The following NRXN1 variants were observed in gnomAD, a reference collection of about 807,000 sequenced individuals.
The protein encoded by NRXN1 is neurexin-1.
NRXN1 carries 39 observed loss-of-function variants against 150.9 expected under a neutral mutation model. The observed-to-expected ratio is 0.26, with a 90% CI of 0.20 to 0.34. The LOEUF (loss-of-function observed/expected upper bound fraction) is 0.34, where lower values mean the gene tolerates loss of function less well. Among genes scored for constraint, NRXN1 ranks in the 10% least tolerant of loss-of-function variants. The probability of loss-of-function intolerance (pLI) is 1.00; values close to 1 mark genes in which losing one functional copy is unlikely to be tolerated. For synonymous variants in NRXN1, 924 were observed against 757.0 expected (o/e 1.22, Z -3.62); for missense variants, 1,815 against 1,949.9 (o/e 0.93, Z 1.30).
At chr2:50,779,170 C>G (rs1361113942) in intron 5 of NRXN1, among the ~76,000 whole-genome samples, 1 of 152,126 alleles carries the variant, frequency 6.6e-6, no homozygotes, top group Non-Finnish European at 1.5e-5. Context: ...GGTATCCCTC[C>G]CCTAGCACCC....
At chr2:50,401,471 G>A (rs2082387179) in intron 17 of NRXN1, among the ~76,000 whole-genome samples, 1 of 152,034 alleles carries the variant, frequency 6.6e-6, no homozygotes, top group Non-Finnish European at 1.5e-5. Context: ...GAGCGGGGAG[G>A]GAGAGGGCTT....
intron 21 of NRXN1, among the ~76,000 whole-genome samples, chr2:49,968,558 T>G (rs971616567): frequency 6.6e-6 from 1 of 152,004 alleles, no homozygotes; most frequent in African/African-American, 2.4e-5. Context: ...CGTAATGCCA[T>G]TTTAGAAGCA....
At chr2:50,238,660 T>G (rs1247036858) in intron 17 of NRXN1, among the ~76,000 whole-genome samples, 1 of 152,028 alleles carries the variant, frequency 6.6e-6, no homozygotes, top group Non-Finnish European at 1.5e-5. Context: ...ATCACATTTG[T>G]GTACATTTAA....
chr2:50,209,784 T>A (rs1340736056), intron 18 of NRXN1, among the ~76,000 whole-genome samples: 1 of 152,038 alleles, frequency 6.6e-6, no homozygotes, highest in Admixed American at 6.6e-5. Flanking sequence ...GTTTTCAAAT[T>A]ATTTACACTT....
chr2:50,694,004 G>A (rs1559133355), intron 5 of NRXN1, among the ~76,000 whole-genome samples: 1 of 152,064 alleles, frequency 6.6e-6, no homozygotes, highest in Non-Finnish European at 1.5e-5. Context: ...TGCTGTCCAG[G>A]ATGGTCTCAA....
intron 5 of NRXN1, among the ~76,000 whole-genome samples, chr2:50,757,306 G>T (rs532240747): frequency 6.6e-6 from 1 of 151,718 alleles, no homozygotes; most frequent in East Asian, 2.0e-4. Flanking sequence ...GCATGTGCAA[G>T]AGAAAAAAAG....
intron 18 of NRXN1, among the ~76,000 whole-genome samples, chr2:50,206,434 T>G (rs1221150652): frequency 6.6e-6 from 1 of 152,096 alleles, no homozygotes. Context: ...GACATTTTTT[T>G]CTTTCTAGTC....
chr2:50,645,860 C>A (rs1684745860), intron 5 of NRXN1, among the ~76,000 whole-genome samples: 1 of 151,782 alleles, frequency 6.6e-6, no homozygotes, highest in South Asian at 2.1e-4. Flanking sequence ...TACATGATTC[C>A]CAGTCTAAGG....
intron 5 of NRXN1, among the ~76,000 whole-genome samples, chr2:50,768,748 C>T (rs1405522251): frequency 6.6e-6 from 1 of 151,914 alleles, no homozygotes; most frequent in Admixed American, 6.6e-5. Context: ...CACCGAAAAT[C>T]ACCACGAAGT....
chr2:50,792,693 G>A (rs2105615572), intron 5 of NRXN1, among the ~76,000 whole-genome samples: 1 of 151,916 alleles, frequency 6.6e-6, no homozygotes, highest in African/African-American at 2.4e-5. Context: ...TTTATCACAA[G>A]AGAAGGGTAA....
intron 18 of NRXN1, among the ~76,000 whole-genome samples, chr2:50,091,920 A>C (rs1699634745): frequency 6.6e-6 from 1 of 152,222 alleles, no homozygotes; most frequent in Non-Finnish European, 1.5e-5. Context: ...CCATTGACAA[A>C]TACTCACAAT....
At position 50,657,316 on chromosome 2, in the gene NRXN1, T is replaced by C. The variant is rs905798804; in HGVS notation, c.833-33701A>G. 5.9e-5 allele frequency among the ~76,000 whole-genome samples: 9 copies of C among 152,162 alleles called. No individual in the cohort carries two copies. The South Asian group carries it at 1.7e-3, about 28-fold the overall frequency. On this transcript the variant is annotated intron_variant, in intron 5 of 22. Transcript: ENST00000401669. ...CCAACATGTTATTCACTGTGTGCTCTCTCACCTCTTCTAAGTCTTTGGTCC... is the reference window on the plus strand; with the variant it reads ...CCAACATGTTATTCACTGTGTGCTCCCTCACCTCTTCTAAGTCTTTGGTCC...
chr2:50,138,862 A>G (rs1213189986), intron 18 of NRXN1, among the ~76,000 whole-genome samples: 5 of 152,226 alleles, frequency 3.3e-5, no homozygotes, highest in African/African-American at 1.2e-4. Context: ...AAAGTGATAC[A>G]TGTGTTTAAT....
intron 5 of NRXN1, among the ~76,000 whole-genome samples, chr2:50,698,554 T>C (rs1324595040): frequency 1.3e-5 from 2 of 152,228 alleles, no homozygotes; most frequent in Non-Finnish European, 2.9e-5. Context: ...TTAATAAATA[T>C]ATAAATGTTT....
chr2:50,538,738 A>C, intron 9 of NRXN1, 102 bp from the exon 10 acceptor site: 1 of 916,306 alleles, frequency 1.1e-6, no homozygotes, highest in Middle Eastern at 2.4e-4. Flanking sequence ...CCTTGGAGGC[A>C]GACAATTATT....
At chr2:50,361,377 A>G (rs1352213607) in intron 17 of NRXN1, among the ~76,000 whole-genome samples, 2 of 152,192 alleles carry the variant, frequency 1.3e-5, no homozygotes, top group Non-Finnish European at 2.9e-5. Flanking sequence ...CAGACTATAT[A>G]TAAGAAAAGA....
At chr2:50,771,002 C>T (rs1702949007) in intron 5 of NRXN1, among the ~76,000 whole-genome samples, 1 of 152,054 alleles carries the variant, frequency 6.6e-6, no homozygotes, top group Admixed American at 6.6e-5. Context: ...GTACTTATTT[C>T]AGGCCTAGCA....
At chr2:50,316,813 T>A (rs1388468751) in intron 17 of NRXN1, among the ~76,000 whole-genome samples, 2 of 151,846 alleles carry the variant, frequency 1.3e-5, no homozygotes, top group Non-Finnish European at 2.9e-5. Flanking sequence ...TTTAATAAAA[T>A]AGGGTAAAAA....
chr2:50,347,536 TC>T lies in NRXN1; in HGVS notation c.3365-110567del. On this transcript the variant is annotated intron_variant, in intron 17 of 22. Coordinates refer to ENST00000401669, the MANE Select transcript of NRXN1 (RefSeq NM_001330078.2). The surrounding 1 kb of genome is among the most constrained non-coding windows in gnomAD (Gnocchi z 4.9). Reference sequence around the variant, plus strand: ...GCCGGCTCGCCCGCTAGCGCCAGCCTCCCCCGGGCAGCGCGCGGAGCAGCGG... The same window carrying T: ...GCCGGCTCGCCCGCTAGCGCCAGCCTCCCCGGGCAGCGCGCGGAGCAGCGG... 2 of 1,032,942 alleles carry T rather than the reference TC, an allele frequency of 1.9e-6. No homozygotes were observed. Among genetic ancestry groups the T allele is most frequent in the Non-Finnish European group, 2.3e-6 (2 of 858,330 alleles). The allele number at this position is 1,032,942 out of a possible 1,614,324, so 64.0% of individuals were successfully genotyped here.
Sources: gnomAD v4.1 joint callset for allele counts (sites outside exome capture counted in the v4.1 genomes callset) on GRCh38, gnomAD v4.1.1 for gene constraint, Gnocchi (gnomAD v3.1) non-coding constraint, MANE v1.5 for transcripts, NCBI Gene and HGNC (gene_info 2026-07-23, HGNC 2026-07-21) for gene names.